Variants in HOOK2 observed in about 807,000 individuals in gnomAD.
HOOK2 encodes protein Hook homolog 2.
HOOK2 carries 108 observed loss-of-function variants against 111.9 expected under a neutral mutation model. The ratio of observed to expected loss-of-function variants is 0.96; its 90% CI spans 0.83 to 1.13. The LOEUF is 1.13. Among genes scored for constraint, HOOK2 ranks in the 50% most tolerant of loss-of-function variants. The probability of loss-of-function intolerance (pLI) is 0.00; values close to 1 mark genes in which losing one functional copy is unlikely to be tolerated. For missense variants in HOOK2, 978 were observed against 951.3 expected (o/e 1.03, Z -0.37); for synonymous variants, 405 against 394.3 (o/e 1.03, Z -0.32).
chr19:12,763,157 A>T lies in HOOK2; in HGVS notation c.*125T>A. On this transcript the variant is annotated 3_prime_UTR_variant, in exon 23 of 23. Transcript: ENST00000397668. ...CCCTCCCTCCCCACCAATCTGGGAG[A>T]GGGAAGAGCAGAGATCATGGCCTCA... 12 of 533,196 alleles carry T rather than the reference A, an allele frequency of 2.3e-5. No homozygotes were observed. Among genetic ancestry groups the T allele is most frequent in the East Asian group, 4.8e-5 (1 of 21,032 alleles). 33.0% of individuals were successfully genotyped at this position (533,196 alleles called of 1,614,324 possible).
Position 12,771,064 on chromosome 19 carries a change from C to T in HOOK2, c.770G>A (p.Ser257Asn). 1 of 1,612,788 alleles carries T rather than the reference C, an allele frequency of 6.2e-7. No individual in the cohort carries two copies. The highest frequency in any genetic ancestry group is 1.1e-5 in the South Asian group (1 of 91,006). Reference sequence around the variant, plus strand: ...GCGCAGGCGCTCATCCTCCCTGCCACTCTCCAGCCTGGGGGTGTTGGGGGA... The same window carrying T: ...GCGCAGGCGCTCATCCTCCCTGCCATTCTCCAGCCTGGGGGTGTTGGGGGA... ...QLQEENFRLE[S>N]GREDERLRCA... is the part of the protein sequence containing the mutation. The change falls in exon 10 of 23, where the codon AGT (serine) becomes AAT (asparagine). Residue 257 changes from serine (S) to asparagine (N), a missense_variant. This residue lies in a region of HOOK2 where 388 missense variants were observed against 358.3 expected (regional missense o/e 1.08). Transcript: ENST00000397668.
chr19:12,783,807 GT>G (rs2145796559), intron 3 of HOOK2, among the ~76,000 whole-genome samples: 1 of 152,326 alleles, frequency 6.6e-6, no homozygotes, highest in South Asian at 2.1e-4. Context: ...TCAGGCCTGG[GT>G]GTCAGGGTGC....
chr19:12,765,180 C>T, intron 18 of HOOK2, 99 bp from the exon 19 acceptor site: 3 of 1,171,118 alleles, frequency 2.6e-6, no homozygotes, highest in East Asian at 4.7e-5. Context: ...AGAAATGCCC[C>T]TACATGGCCA....
At position 12,765,723 on chromosome 19, in the gene HOOK2, G is replaced by A; in HGVS notation, c.1607C>T (p.Ser536Phe). 3 of 1,614,194 alleles carry A rather than the reference G, an allele frequency of 1.9e-6. No homozygotes were observed. Among genetic ancestry groups the A allele is most frequent in the Non-Finnish European group, 2.5e-6 (3 of 1,180,046 alleles). ...EQGGKTEDAI[S>F]ILLKRKLEEH... ...CTCCAGCTTCCTTTTCAGCAAAATG[G>A]ACTGGGAGAGAGAAGAGGCAAGGTG... Residue 536 changes from serine to phenylalanine, a missense_variant and splice_region_variant, in exon 18 of 23, where the codon TCC (serine) becomes TTC (phenylalanine). This residue lies in a region of HOOK2 where 277 missense variants were observed against 265.8 expected (regional missense o/e 1.04). Coordinates refer to ENST00000397668, the MANE Select transcript of HOOK2 (RefSeq NM_013312.3).
Position 12,771,311 on chromosome 19 carries a change from G to A in HOOK2, c.609C>T (p.Leu203=), listed in dbSNP as rs1343532207. 2 of 1,603,806 alleles carry A rather than the reference G, an allele frequency of 1.2e-6. No homozygotes were observed. Among genetic ancestry groups the A allele is most frequent in the African/African-American group, 1.3e-5 (1 of 74,858 alleles). The change falls in exon 9 of 23, where the codon CTC becomes CTT. Residue 203 remains leucine (L), a synonymous_variant. Coordinates refer to ENST00000397668, the MANE Select transcript of HOOK2 (RefSeq NM_013312.3). ...CCAGGCTCTGCTTCTCCTCTGACAGGAGCATCAGCTGCGGGCAGGGCAGAA... is the reference window on the plus strand; with the variant it reads ...CCAGGCTCTGCTTCTCCTCTGACAGAAGCATCAGCTGCGGGCAGGGCAGAA... ...RCLDLERQLM[L]LSEEKQSLAQ... is the part of the protein sequence containing the mutation.
upstream of HOOK2, chr19:12,775,713 T>A (rs933831691): frequency 5.0e-5 from 18 of 361,694 alleles, no homozygotes; most frequent in Non-Finnish European, 6.8e-5. Flanking sequence ...CCGCTAGGGG[T>A]CAGCCTGGCC....
Position 12,764,936 on chromosome 19 carries a change from C to T in HOOK2, c.1724-19G>A. 6.2e-7 allele frequency: 1 copy of T among 1,613,942 alleles called. No individual in the cohort carries two copies. Among genetic ancestry groups the T allele is most frequent in the Non-Finnish European group, 8.5e-7 (1 of 1,179,976 alleles). On this transcript the variant is annotated intron_variant, in intron 19 of 22. Coordinates refer to ENST00000397668, the MANE Select transcript of HOOK2 (RefSeq NM_013312.3). ...CGGGCTGCTGGCGGAAGAGGTGGCC[C>T]ATCAGCTCCACGCTGCTGGGCTCTG...
chr19:12,766,304 A>C, intron 14 of HOOK2, 64 bp from the exon 15 acceptor site: 2 of 1,464,384 alleles, frequency 1.4e-6, no homozygotes, highest in Non-Finnish European at 1.8e-6. Flanking sequence ...GCTGGGGCTC[A>C]GGGAGAGTGG....
intron 3 of HOOK2, among the ~76,000 whole-genome samples, chr19:12,788,504 C>G (rs954975936): frequency 3.3e-5 from 5 of 152,180 alleles, no homozygotes; most frequent in Non-Finnish European, 1.5e-5. Flanking sequence ...CTCTGGGCAT[C>G]TCTCCCTGCC....
chr19:12,764,187 C>A (rs1043720728), intron 20 of HOOK2, among the ~76,000 whole-genome samples: 12 of 149,938 alleles, frequency 8.0e-5, no homozygotes, highest in African/African-American at 2.7e-4. Flanking sequence ...CCTAATTTTT[C>A]TATTTTTCGT....
At chr19:12,765,419 A>G (rs1968117447) in intron 18 of HOOK2, 1 of 586,878 alleles carries the variant, frequency 1.7e-6, no homozygotes, top group South Asian at 2.0e-5. Flanking sequence ...GGATCTTTCT[A>G]GAATACAAAT....
Position 12,763,740 on chromosome 19 carries a change from C to T in HOOK2, c.1866G>A (p.Ala622=), listed in dbSNP as rs775514142. The part of the protein sequence containing the change: ...QTMEPKQRPA[A]GAPPELHSLR... ...GGGAATGGAGTTCTGGAGGTGCCCC[C>T]GCAGCTGGCCGCTGCTTGGGTTCCA... Residue 622 remains alanine, a synonymous_variant, in exon 21 of 23, where the codon GCG becomes GCA. Transcript: ENST00000397668. 2.0e-5 allele frequency: 33 copies of T among 1,614,022 alleles called. No individual in the cohort carries two copies. The highest frequency in any genetic ancestry group is 1.8e-4 in the Admixed American group (11 of 59,990).
intron 3 of HOOK2, among the ~76,000 whole-genome samples, chr19:12,773,537 G>A (rs1968401772): frequency 6.6e-6 from 1 of 151,914 alleles, no homozygotes; most frequent in Non-Finnish European, 1.5e-5. Context: ...ATGAGCCACT[G>A]TGCCCGGCCT....
Position 12,763,655 on chromosome 19 carries a change from C to T in HOOK2, c.1938+13G>A, listed in dbSNP as rs770973953. The T allele has an allele frequency of 3.8e-5, 61 of 1,613,896 alleles. No homozygotes were observed. The highest frequency in any genetic ancestry group is 4.7e-5 in the Non-Finnish European group (56 of 1,179,870). ...ATACGTTGGAGGCAGCGTAAAGGGACGAGGACACCCACCTCCAGGTGTCGG... is the reference window on the plus strand; with the variant it reads ...ATACGTTGGAGGCAGCGTAAAGGGATGAGGACACCCACCTCCAGGTGTCGG... On this transcript the variant is annotated intron_variant, in intron 21 of 22. Coordinates refer to ENST00000397668, the MANE Select transcript of HOOK2 (RefSeq NM_013312.3).
Position 12,773,052 on chromosome 19 carries a change from G to A in HOOK2, c.205-8C>T, listed in dbSNP as rs1214394832. ...CATCTTCAGATTGCTGACCTAGGGA[G>A]GAACAAGGAACTGTGGACAAGTTCA... On this transcript the variant is annotated splice_region_variant and splice_polypyrimidine_tract_variant and intron_variant, in intron 3 of 22. Coordinates refer to ENST00000397668, the MANE Select transcript of HOOK2 (RefSeq NM_013312.3). 3.1e-6 allele frequency: 5 copies of A among 1,613,982 alleles called. No homozygotes were observed. In the East Asian group the frequency reaches 8.9e-5, roughly 29 times the overall value.
intron 11 of HOOK2, 22 bp from the exon 12 acceptor site, chr19:12,768,145 A>G: frequency 1.9e-6 from 3 of 1,602,756 alleles, no homozygotes; most frequent in Non-Finnish European, 2.6e-6. Context: ...GAGGGGAGGA[A>G]TAAGGACAGC....
Position 12,771,058 on chromosome 19 carries a change from C to T in HOOK2, c.776G>A (p.Arg259Lys). The T allele has an allele frequency of 6.2e-7, 1 of 1,612,820 alleles. No homozygotes were observed. The change falls in exon 10 of 23, where the codon AGG (arginine) becomes AAG (lysine). Residue 259 changes from arginine (R) to lysine (K), a missense_variant. This residue lies in a region of HOOK2 where 388 missense variants were observed against 358.3 expected (regional missense o/e 1.08). Coordinates refer to ENST00000397668, the MANE Select transcript of HOOK2 (RefSeq NM_013312.3). ...QEENFRLESG[R>K]EDERLRCAEL... is the part of the protein sequence containing the mutation. ...GGCACAGCGCAGGCGCTCATCCTCC[C>T]TGCCACTCTCCAGCCTGGGGGTGTT...
Position 12,783,568 on chromosome 19 carries a change from G to C in HOOK2, n.42-9343C>G, listed in dbSNP as rs536878723. Among the ~76,000 whole-genome samples, 14 of 152,128 alleles carry C rather than the reference G, an allele frequency of 9.2e-5. No individual in the cohort carries two copies. The South Asian group carries it at 2.9e-3, about 32-fold the overall frequency. On this transcript the variant is annotated intron_variant and non_coding_transcript_variant, in intron 3 of 3. Transcript: ENST00000589765. The stretch of plus-strand genomic sequence containing the variant: ...ACCCCACATGTACCATTTTTAGAGA[G>C]GGGAGGATGGCGCTTGGTGAGCTGG...
upstream of HOOK2, among the ~76,000 whole-genome samples, chr19:12,777,078 A>AC (rs1968537218): frequency 6.7e-6 from 1 of 149,098 alleles, no homozygotes; most frequent in Admixed American, 6.7e-5. Flanking sequence ...AATAGCTTGA[A>AC]CCCAAGAGGC....
Sources: allele counts gnomAD v4.1 joint callset (sites outside exome capture counted in the v4.1 genomes callset), GRCh38; gene constraint gnomAD v4.1.1; regional missense constraint gnomAD v4.1.1; transcripts MANE v1.5; gene names NCBI Gene and HGNC (gene_info 2026-07-23, HGNC 2026-07-21).